The following SPNS3 variants were observed in gnomAD, a reference collection of about 807,000 sequenced individuals.
SPNS3 encodes the protein protein spinster homolog 3.
Under a neutral mutation model 54.4 loss-of-function variants are expected in SPNS3, and 51 were observed. That is an observed-to-expected ratio of 0.94 (90% CI 0.75 to 1.18). The LOEUF is 1.18. SPNS3 is among the 50% of genes most tolerant of loss of function. SPNS3 has a pLI of 0.00. For missense variants in SPNS3, 669 were observed against 677.4 expected, an observed-to-expected ratio of 0.99 and a Z score of 0.14; for synonymous variants, 309 against 294.7, an observed-to-expected ratio of 1.05 and a Z score of -0.50.
chr17:4,469,369 G>A (rs1194327279), intron 8 of SPNS3, among the ~76,000 whole-genome samples: 4 of 152,320 alleles, frequency 2.6e-5, no homozygotes, highest in Admixed American at 2.6e-4. Context: ...TTACAGGCGT[G>A]AGCCACTGTG....
At chr17:4,452,836 A>C (rs1238226744) in intron 7 of SPNS3, among the ~76,000 whole-genome samples, 180 bp from the exon 8 acceptor site, 1 of 151,814 alleles carries the variant, frequency 6.6e-6, no homozygotes, top group Non-Finnish European at 1.5e-5. Flanking sequence ...GGTCCCTGGG[A>C]GTATCAGTGA....
chr17:4,468,916 G>A (rs1311662411), intron 8 of SPNS3, among the ~76,000 whole-genome samples: 2 of 151,516 alleles, frequency 1.3e-5, no homozygotes, highest in Admixed American at 1.3e-4. Flanking sequence ...AGCCTCCCGA[G>A]TAGCTGGGAT....
chr17:4,461,225 G>C (rs1426500234), intron 8 of SPNS3, among the ~76,000 whole-genome samples: 4 of 151,254 alleles, frequency 2.6e-5, no homozygotes, highest in African/African-American at 9.7e-5. Context: ...CCTAATTTTA[G>C]TAATTTGAGT....
chr17:4,445,064 GTGTT>G lies in SPNS3; in HGVS notation c.301_304del (p.Phe101AlafsTer13). 6.2e-7 allele frequency: 1 copy of G among 1,614,144 alleles called. No homozygotes were observed. The highest frequency in any genetic ancestry group is 8.5e-7 in the Non-Finnish European group (1 of 1,180,002). ...TAGCTGCCTGCTGCTGTCTGCACCT[GTGTT>G]TGGCTACCTGGGCGACCGACATAGC... On this transcript the variant is annotated frameshift_variant, in exon 3 of 12. Coordinates refer to ENST00000355530, the MANE Select transcript of SPNS3 (RefSeq NM_182538.5). LOFTEE classifies it high-confidence loss of function.
chr17:4,477,417 C>T (rs936072869), intron 8 of SPNS3, among the ~76,000 whole-genome samples: 3 of 152,234 alleles, frequency 2.0e-5, no homozygotes, highest in African/African-American at 7.2e-5. Context: ...ACCCTGGGGA[C>T]AGCCCCGTGA....
chr17:4,450,973 G>C (rs1044532770), intron 7 of SPNS3, among the ~76,000 whole-genome samples: 2 of 151,806 alleles, frequency 1.3e-5, no homozygotes, highest in Admixed American at 6.6e-5. Flanking sequence ...GGCCCTGTGT[G>C]GATGGAGGGA....
At chr17:4,465,311 G>C (rs1348071808) in intron 8 of SPNS3, among the ~76,000 whole-genome samples, 2 of 152,190 alleles carry the variant, frequency 1.3e-5, no homozygotes, top group Admixed American at 6.5e-5. Context: ...AGCGGGCCAG[G>C]TAGAACTGTG....
chr17:4,453,320 G>A (rs1971220330), intron 8 of SPNS3, 115 bp downstream of exon 8: 1 of 998,980 alleles, frequency 1.0e-6, no homozygotes, highest in Non-Finnish European at 1.5e-6. Context: ...CACTCCTTCT[G>A]AGTAGAGCTT....
intron 5 of SPNS3, 109 bp from the exon 6 acceptor site, chr17:4,448,046 T>C (rs1284997548): frequency 7.1e-6 from 8 of 1,134,062 alleles, no homozygotes; most frequent in Non-Finnish European, 1.2e-6. Flanking sequence ...CCCCAGGGCT[T>C]GGAAACCAGA....
chr17:4,469,998 G>A (rs1184123588), intron 8 of SPNS3, among the ~76,000 whole-genome samples: 1 of 152,042 alleles, frequency 6.6e-6, no homozygotes, highest in Admixed American at 6.6e-5. Flanking sequence ...TTCTATATTT[G>A]TTATTTAATT....
intron 8 of SPNS3, among the ~76,000 whole-genome samples, chr17:4,478,361 C>T (rs936463561): frequency 4.6e-5 from 7 of 152,154 alleles, no homozygotes; most frequent in Non-Finnish European, 8.8e-5. Flanking sequence ...AGGGGCTGGA[C>T]ACTCGCTTAT....
At chr17:4,472,644 C>G (rs1971884721) in intron 8 of SPNS3, among the ~76,000 whole-genome samples, 1 of 152,058 alleles carries the variant, frequency 6.6e-6, no homozygotes, top group Non-Finnish European at 1.5e-5. Context: ...CCTGCTGGCT[C>G]TCAGTTAGGG....
At chr17:4,458,203 A>C (rs1423361444) in intron 8 of SPNS3, among the ~76,000 whole-genome samples, 1 of 152,078 alleles carries the variant, frequency 6.6e-6, no homozygotes, top group Non-Finnish European at 1.5e-5. Flanking sequence ...GAACTGTTCT[A>C]GAAGCCACCT....
At chr17:4,452,383 C>G (rs1315782759) in intron 7 of SPNS3, among the ~76,000 whole-genome samples, 1 of 152,010 alleles carries the variant, frequency 6.6e-6, no homozygotes, top group Non-Finnish European at 1.5e-5. Flanking sequence ...AGGGACAGGT[C>G]TCCACAGGAA....
At chr17:4,435,826 G>C (rs926833795) in intron 1 of SPNS3, among the ~76,000 whole-genome samples, 1 of 152,194 alleles carries the variant, frequency 6.6e-6, no homozygotes, top group African/African-American at 2.4e-5. Context: ...CAGCTACTCG[G>C]GAGGCTGAGG....
chr17:4,479,236 T>C (rs1197997096), intron 9 of SPNS3, among the ~76,000 whole-genome samples: 3 of 152,352 alleles, frequency 2.0e-5, no homozygotes, highest in Middle Eastern at 3.4e-3. Context: ...CCACCGTGCC[T>C]GGCCCCTCCC....
intron 7 of SPNS3, among the ~76,000 whole-genome samples, chr17:4,451,044 CG>C (rs1465170074): frequency 6.6e-6 from 1 of 151,910 alleles, no homozygotes; most frequent in Non-Finnish European, 1.5e-5. Context: ...TAGGGGCTGG[CG>C]GGGGTGCATT....
At chr17:4,459,746 T>C (rs1418569755) in intron 8 of SPNS3, among the ~76,000 whole-genome samples, 2 of 152,130 alleles carry the variant, frequency 1.3e-5, no homozygotes, top group Non-Finnish European at 2.9e-5. Context: ...ATGCCGTAGA[T>C]ATAGCAGTGA....
chr17:4,467,157 C>T (rs756677669), intron 8 of SPNS3, among the ~76,000 whole-genome samples: 6 of 151,874 alleles, frequency 4.0e-5, no homozygotes, highest in Admixed American at 6.6e-5. Flanking sequence ...TCAGAGGTCA[C>T]GGTGATGGGG....
Sources: allele counts gnomAD v4.1 joint callset (sites outside exome capture counted in the v4.1 genomes callset), GRCh38; gene constraint gnomAD v4.1.1; transcripts MANE v1.5; gene names NCBI Gene and HGNC (gene_info 2026-07-23, HGNC 2026-07-21).